Variants in GALNT16 observed in about 807,000 individuals in gnomAD.
The protein encoded by GALNT16 is UDP-GalNAc:polypeptide N-acetylgalactosaminyltransferase-like protein 1.
Under a neutral mutation model 76.1 loss-of-function variants are expected in GALNT16, and 40 were observed. That is an observed-to-expected ratio of 0.53 (90% confidence interval 0.41 to 0.68). The LOEUF (loss-of-function observed/expected upper bound fraction) is 0.68, where lower values mean the gene tolerates loss of function less well. Among genes scored for constraint, GALNT16 ranks in the 30% least tolerant of loss-of-function variants. The pLI is 0.00. For synonymous variants in GALNT16, 276 were observed against 285.2 expected (o/e 0.97, Z 0.32); for missense variants, 621 against 731.9 (o/e 0.85, Z 1.75).
intron 1 of GALNT16, among the ~76,000 whole-genome samples, chr14:69,270,045 C>G (rs995170539): frequency 1.3e-5 from 2 of 151,836 alleles, no homozygotes; most frequent in Non-Finnish European, 2.9e-5. Context: ...TTGTCTGGTT[C>G]GTGGTGTTCT....
chr14:69,308,453 T>C (rs1163652306), intron 1 of GALNT16, among the ~76,000 whole-genome samples: 3 of 152,192 alleles, frequency 2.0e-5, no homozygotes, highest in African/African-American at 7.2e-5. Flanking sequence ...TTATAAACTA[T>C]TTATATAAAA....
intron 1 of GALNT16, among the ~76,000 whole-genome samples, chr14:69,268,890 G>A (rs1277530860): frequency 4.6e-5 from 7 of 152,164 alleles, no homozygotes; most frequent in Non-Finnish European, 8.8e-5. Context: ...GCACCATCCC[G>A]GAGAGTGTGT....
chr14:69,310,048 C>T (rs2044993767), intron 1 of GALNT16, among the ~76,000 whole-genome samples: 1 of 152,092 alleles, frequency 6.6e-6, no homozygotes, highest in African/African-American at 2.4e-5. Flanking sequence ...CTCCCCACTG[C>T]CATTTGAAGT....
the GALNT16 span, among the ~76,000 whole-genome samples, chr14:69,376,011 C>T: frequency 6.6e-6 from 1 of 152,012 alleles, no homozygotes; most frequent in African/African-American, 2.4e-5. Context: ...ATTCCATTTC[C>T]CCCTATTGTC....
chr14:69,289,900 AT>A (rs983336278), intron 1 of GALNT16, among the ~76,000 whole-genome samples: 11 of 151,174 alleles, frequency 7.3e-5, no homozygotes, highest in African/African-American at 1.5e-4. Flanking sequence ...GGCCCAGCTA[AT>A]TTTTTTTTGT....
the GALNT16 span, among the ~76,000 whole-genome samples, chr14:69,384,741 TA>T: frequency 6.6e-6 from 1 of 152,218 alleles, no homozygotes; most frequent in African/African-American, 2.4e-5. Context: ...ATATAACCAA[TA>T]TTTACTCAGC....
At chr14:69,277,909 C>T (rs188545584) in intron 1 of GALNT16, among the ~76,000 whole-genome samples, 64 of 152,178 alleles carry the variant, frequency 4.2e-4, no homozygotes, top group African/African-American at 1.4e-3. Context: ...TTTTAATGAT[C>T]GCCATTCTAA....
Position 69,333,110 on chromosome 14 carries a change from G to C in GALNT16, c.804G>C (p.Lys268Asn). The C allele has an allele frequency of 6.2e-7, 1 of 1,613,982 alleles. No homozygotes were observed. Among genetic ancestry groups the C allele is most frequent in the Admixed American group, 1.7e-5 (1 of 60,030 alleles). ...GGTTCGACTGGAGCCTGCATTTCAA[G>C]TGGGAGCAGATCCCTCTTGAGCAGA... ...RGGFDWSLHF[K>N]WEQIPLEQKM... The change falls in exon 8 of 15, where the codon AAG becomes AAC. Residue 268 changes from lysine (K) to asparagine (N), a missense_variant. Physicochemically the swap from Lys to Asn is moderately conservative, Grantham distance 94. Coordinates refer to ENST00000448469, the MANE Select transcript of GALNT16 (RefSeq NM_001168368.2). The surrounding 1 kb of genome is among the most constrained non-coding windows in gnomAD (Gnocchi z 4.2).
downstream of GALNT16, chr14:69,357,883 A>T (rs2045703380): frequency 6.6e-6 from 1 of 152,596 alleles, no homozygotes; most frequent in Admixed American, 6.5e-5. Flanking sequence ...TTTAAGTCCC[A>T]TGCACCAGGA....
At chr14:69,267,781 C>G (rs1890939) in intron 1 of GALNT16, among the ~76,000 whole-genome samples, 41,081 of 151,880 alleles carry the variant, frequency 0.27, 5,885 homozygotes, top group South Asian at 0.34. Flanking sequence ...AGTCCCACTC[C>G]CTGGACCTTA....
At chr14:69,268,205 C>T (rs1253866965) in intron 1 of GALNT16, among the ~76,000 whole-genome samples, 1 of 152,120 alleles carries the variant, frequency 6.6e-6, no homozygotes, top group Non-Finnish European at 1.5e-5. Context: ...CTAGGAAGAC[C>T]AGAAGGAAGC....
intron 1 of GALNT16, among the ~76,000 whole-genome samples, chr14:69,282,631 G>T (rs2044559292): frequency 6.6e-6 from 1 of 151,326 alleles, no homozygotes; most frequent in Admixed American, 6.6e-5. Context: ...TGCTCTAAGT[G>T]CAGGCTTAAG....
chr14:69,380,770 G>A, the GALNT16 span: 3 of 589,750 alleles, frequency 5.1e-6, no homozygotes, highest in African/African-American at 5.6e-5. Flanking sequence ...ATGAAAAGCT[G>A]AAAGAGCTAC....
chr14:69,348,011 C>T lies in GALNT16; in HGVS notation c.1539+9C>T. On this transcript the variant is annotated intron_variant, in intron 14 of 14. Transcript: ENST00000448469. Reference sequence around the variant, plus strand: ...CTAGAGAAGGCAAGCAGGTGAGTCTCCTTGCCTCTGGCCCAGAGGCCCAGC... The same window carrying T: ...CTAGAGAAGGCAAGCAGGTGAGTCTTCTTGCCTCTGGCCCAGAGGCCCAGC... 3 of 1,613,926 alleles carry T rather than the reference C, an allele frequency of 1.9e-6. No individual in the cohort carries two copies. The highest frequency in any genetic ancestry group is 2.5e-6 in the Non-Finnish European group (3 of 1,179,900).
At chr14:69,301,262 G>C (rs75948612) in intron 1 of GALNT16, among the ~76,000 whole-genome samples, 2 of 152,330 alleles carry the variant, frequency 1.3e-5, no homozygotes, top group African/African-American at 4.8e-5. Context: ...GCTTTTAACA[G>C]GGTCTCAGCA....
chr14:69,319,818 G>T (rs1002831822), intron 1 of GALNT16, among the ~76,000 whole-genome samples: 4 of 152,242 alleles, frequency 2.6e-5, no homozygotes, highest in African/African-American at 9.6e-5. Flanking sequence ...TCCCAGAGAA[G>T]ATGCATCACT....
At position 69,352,792 on chromosome 14, in the gene GALNT16, T is replaced by C. The variant is rs892571447; in HGVS notation, c.*624T>C. 4.6e-5 allele frequency: 7 copies of C among 152,244 alleles called. No individual in the cohort carries two copies. The highest frequency in any genetic ancestry group is 1.7e-4 in the African/African-American group (7 of 41,380). 9.4% of individuals were successfully genotyped at this position (152,244 alleles called of 1,614,324 possible). A position where few individuals can be genotyped will look rare whatever the true frequency, so the allele number is the denominator to read the frequency against. ...AGGATGGGTAATTTGCAAATGAACA[T>C]GGATAGAAGAGCAGCAAAGCACCAA... On this transcript the variant is annotated 3_prime_UTR_variant, in exon 15 of 15. Coordinates refer to ENST00000448469, the MANE Select transcript of GALNT16 (RefSeq NM_001168368.2).
chr14:69,299,288 G>C (rs1012689085), intron 1 of GALNT16, among the ~76,000 whole-genome samples: 6 of 152,186 alleles, frequency 3.9e-5, no homozygotes, highest in Non-Finnish European at 5.9e-5. Flanking sequence ...AGAATTGTTT[G>C]TCAAGGCTGT....
At chr14:69,278,460 T>TA (rs34895087) in intron 1 of GALNT16, among the ~76,000 whole-genome samples, 1 of 152,306 alleles carries the variant, frequency 6.6e-6, no homozygotes, top group South Asian at 2.1e-4. Context: ...GATTGATTTT[T>TA]AAAAAAAGGA....
Sources: gnomAD v4.1 joint callset for allele counts (sites outside exome capture counted in the v4.1 genomes callset) on GRCh38, gnomAD v4.1.1 for gene constraint, Gnocchi (gnomAD v3.1) non-coding constraint, MANE v1.5 for transcripts, NCBI Gene and HGNC (gene_info 2026-07-23, HGNC 2026-07-21) for gene names.